Variants in LAMP2 observed in about 807,000 individuals in gnomAD.
The protein encoded by LAMP2 is lysosome associated membrane protein 2, also known as lysosome-associated membrane glycoprotein 2.
Under a neutral mutation model 25.6 loss-of-function variants are expected in LAMP2, and 4 were observed. The ratio of observed to expected loss-of-function variants is 0.16; its 90% confidence interval spans 0.08 to 0.36. LAMP2 has a LOEUF of 0.36. LAMP2 is among the 10% of genes least tolerant of loss of function. LAMP2 has a pLI of 1.00. For missense variants in LAMP2, 272 were observed against 301.4 expected, an observed-to-expected ratio of 0.90 and a Z score of 0.72; for synonymous variants, 108 against 112.7, an observed-to-expected ratio of 0.96 and a Z score of 0.27.
chrX:120,447,625 G>C (rs1258811983), intron 5 of LAMP2, among the ~76,000 whole-genome samples: 1 of 106,653 alleles, frequency 9.4e-6, no homozygotes, highest in African/African-American at 3.4e-5. Flanking sequence ...CAGGAGAATG[G>C]CGTGAACCCG....
In LAMP2 at chrX:120,427,876, T is replaced by A. The variant is rs2058505021; in HGVS notation, c.*3447A>T. Reference sequence around the variant, plus strand: ...AGAACAACAACAACAAAAAAAGAAATCTCCTTGTTAAAATATAGTAGCTAT... The same window carrying A: ...AGAACAACAACAACAAAAAAAGAAAACTCCTTGTTAAAATATAGTAGCTAT... On this transcript the variant is annotated 3_prime_UTR_variant, in exon 9 of 9. Transcript: ENST00000200639. 1 of 111,518 alleles carries A rather than the reference T, an allele frequency of 9.0e-6. No homozygotes were observed. The highest frequency in any genetic ancestry group is 3.7e-4 in the South Asian group (1 of 2,736). The allele number at this position is 111,518 out of a possible 1,213,427, so 9.2% of individuals were successfully genotyped here.
intron 1 of LAMP2, among the ~76,000 whole-genome samples, chrX:120,460,419 G>A (rs926885296): frequency 1.8e-5 from 2 of 111,452 alleles, no homozygotes; most frequent in African/African-American, 6.5e-5. Flanking sequence ...CACTTCCAAA[G>A]CCCTCCTTAT....
At chrX:120,459,202 A>G (rs772447840) in intron 1 of LAMP2, among the ~76,000 whole-genome samples, 4 of 111,683 alleles carry the variant, frequency 3.6e-5, no homozygotes, top group African/African-American at 1.3e-4. Flanking sequence ...ACTTTCTTCT[A>G]TTGGCCTAAA....
intron 1 of LAMP2, among the ~76,000 whole-genome samples, chrX:120,467,823 C>T (rs2147293882): frequency 8.9e-6 from 1 of 112,185 alleles, no homozygotes; most frequent in African/African-American, 3.2e-5. Flanking sequence ...AGTGCAATGG[C>T]GCAATCTTGG....
chrX:120,447,511 G>A lies in LAMP2; in HGVS notation c.741+330C>T, dbSNP rs767946614. On this transcript the variant is annotated intron_variant, in intron 5 of 8. Transcript: ENST00000200639. ...AGCACAAGGTCAGGAGATCGAGACC[G>A]TCCTGGCTAACACGGTAAAACCCTA... is the stretch of plus-strand genomic sequence containing the variant. Among the ~76,000 whole-genome samples the A allele has an allele frequency of 1.5e-4, 17 of 110,385 alleles. 1 individual carries two copies. The highest frequency in any genetic ancestry group is 4.8e-3 in the Middle Eastern group (1 of 210).
At chrX:120,454,227 C>CA (rs34279521) in intron 3 of LAMP2, among the ~76,000 whole-genome samples, 2,344 of 80,618 alleles carry the variant, frequency 0.029, 48 homozygotes, top group African/African-American at 0.05. Context: ...GTTATCAGAT[C>CA]AAAAAAAAAA....
In LAMP2 at chrX:120,428,255, C is replaced by T. The variant is rs878924268; in HGVS notation, c.*3068G>A. ...ATTATTTACTTAAAAAATTCTAAGCCACAATTTTTCTTTTAATTATACTTT... is the reference window on the plus strand; with the variant it reads ...ATTATTTACTTAAAAAATTCTAAGCTACAATTTTTCTTTTAATTATACTTT... On this transcript the variant is annotated 3_prime_UTR_variant, in exon 9 of 9. Transcript: ENST00000200639. The T allele has an allele frequency of 3.7e-5, 11 of 295,384 alleles. No homozygotes were observed. The South Asian group carries it at 2.4e-3, about 64-fold the overall frequency. 24.3% of individuals were successfully genotyped at this position (295,384 alleles called of 1,213,427 possible). A position where few individuals can be genotyped will look rare whatever the true frequency, so the allele number is the denominator to read the frequency against.
intron 6 of LAMP2, among the ~76,000 whole-genome samples, chrX:120,443,243 C>T (rs1161194055): frequency 9.0e-6 from 1 of 111,491 alleles, no homozygotes; most frequent in Non-Finnish European, 1.9e-5. Context: ...AAATCACTTC[C>T]AAATAAGGGA....
intron 1 of LAMP2, 98 bp downstream of exon 1, chrX:120,469,008 C>T: frequency 1.0e-6 from 1 of 986,452 alleles, no homozygotes; most frequent in Non-Finnish European, 1.4e-6. Flanking sequence ...CTGAGCCTCT[C>T]AACCCCCTCC....
chrX:120,450,762 C>T (rs747305259), intron 3 of LAMP2, among the ~76,000 whole-genome samples: 20 of 110,030 alleles, frequency 1.8e-4, no homozygotes, highest in Non-Finnish European at 3.4e-4. Context: ...AAAAGTAACA[C>T]AAACATTAAA....
At position 120,441,914 on chromosome X, in the gene LAMP2, G is replaced by C; in HGVS notation, c.929-20C>G. On this transcript the variant is annotated intron_variant, in intron 7 of 8. Transcript: ENST00000200639. ...TGAAAACTTCAAAGAAAAGAAACAG[G>C]TTAGTAACTTCTTATCCTATCAACA... The C allele has an allele frequency of 8.4e-7, 1 of 1,188,386 alleles. No homozygotes were observed. The highest frequency in any genetic ancestry group is 1.1e-6 in the Non-Finnish European group (1 of 874,545).
At chrX:120,437,783 G>A (rs2058551843) in intron 8 of LAMP2, 2 of 752,623 alleles carry the variant, frequency 2.7e-6, no homozygotes, top group Non-Finnish European at 3.1e-6. Context: ...TGGAAACAAA[G>A]AACAACTTTT....
chrX:120,430,166 A>G lies in LAMP2; in HGVS notation c.*1157T>C. 1.3e-6 allele frequency: 1 copy of G among 749,977 alleles called. No individual in the cohort carries two copies. Among genetic ancestry groups the G allele is most frequent in the Non-Finnish European group, 1.6e-6 (1 of 635,184 alleles). 61.8% of individuals were successfully genotyped at this position (749,977 alleles called of 1,213,427 possible). A position where few individuals can be genotyped will look rare whatever the true frequency, so the allele number is the denominator to read the frequency against. On this transcript the variant is annotated 3_prime_UTR_variant, in exon 9 of 9. Transcript: ENST00000200639. ...TGGGTTAATAATACTTCAATGTGGA[A>G]GTCTTCTAGTCTATTAAGCCTTCCT...
chrX:120,430,475 C>T lies in LAMP2; in HGVS notation c.*848G>A, dbSNP rs1443366669. ...AACAAGATGAGGTAGAGAAACACAA[C>T]ACAATCTGTCCTAATTAGTTCATAG... On this transcript the variant is annotated 3_prime_UTR_variant, in exon 9 of 9. Coordinates refer to ENST00000200639, the MANE Select transcript of LAMP2 (RefSeq NM_002294.3). 8.0e-6 allele frequency: 6 copies of T among 750,421 alleles called. No homozygotes were observed. The African/African-American group carries it at 1.4e-4, about 17-fold the overall frequency. The allele number at this position is 750,421 out of a possible 1,213,427, so 61.8% of individuals were successfully genotyped here. A position where few individuals can be genotyped will look rare whatever the true frequency, so the allele number is the denominator to read the frequency against.
At chrX:120,468,913 C>T (rs1452457310) in intron 1 of LAMP2, among the ~76,000 whole-genome samples, 193 bp downstream of exon 1, 1 of 111,876 alleles carries the variant, frequency 8.9e-6, no homozygotes, top group East Asian at 2.8e-4. Flanking sequence ...CTCCTGGGCC[C>T]TTCTTCCCCG....
In LAMP2 at chrX:120,427,743, C is replaced by T. The variant is rs1057414175; in HGVS notation, c.*3580G>A. 4 of 111,055 alleles carry T rather than the reference C, an allele frequency of 3.6e-5. No homozygotes were observed. Among genetic ancestry groups the T allele is most frequent in the Non-Finnish European group, 7.6e-5 (4 of 52,903 alleles). 9.2% of individuals were successfully genotyped at this position (111,055 alleles called of 1,213,427 possible). A position where few individuals can be genotyped will look rare whatever the true frequency, so the allele number is the denominator to read the frequency against. Reference sequence around the variant, plus strand: ...AAACCATAACCTTAATAAACCATAACCCATACAGGTGTTCCAAATCAACAC... The same window carrying T: ...AAACCATAACCTTAATAAACCATAATCCATACAGGTGTTCCAAATCAACAC... On this transcript the variant is annotated 3_prime_UTR_variant, in exon 9 of 9. Transcript: ENST00000200639.
Position 120,429,080 on chromosome X carries a change from ATATG to A in LAMP2, c.*2239_*2242del. On this transcript the variant is annotated 3_prime_UTR_variant, in exon 9 of 9. Coordinates refer to ENST00000200639, the MANE Select transcript of LAMP2 (RefSeq NM_002294.3). ...AAGAATGTAGTATATATATACATAT[ATATG>A]TGTGTGTATATATATGTGTATATAT... The A allele has an allele frequency of 1.8e-6, 1 of 547,231 alleles. No homozygotes were observed. The highest frequency in any genetic ancestry group is 2.2e-6 in the Non-Finnish European group (1 of 452,725). 45.1% of individuals were successfully genotyped at this position (547,231 alleles called of 1,213,427 possible).
chrX:120,447,714 A>ATTGT (rs1235262651), intron 5 of LAMP2, 127 bp downstream of exon 5: 10 of 606,438 alleles, frequency 1.6e-5, no homozygotes, highest in Non-Finnish European at 2.3e-5. Context: ...CATCTCAAAA[A>ATTGT]AACAAACAAA....
Position 120,439,637 on chromosome X carries a change from TTA to T in LAMP2, c.1093+2091_1093+2092del, listed in dbSNP as rs1341332179. Among the ~76,000 whole-genome samples the T allele has an allele frequency of 7.3e-5, 8 of 109,743 alleles. No homozygotes were observed. The East Asian group carries it at 1.1e-3, about 15-fold the overall frequency. ...TGTGCATATATATAATATATGCACATTATATATGATATATAATGCACACATTA... is the reference window on the plus strand; with the variant it reads ...TGTGCATATATATAATATATGCACATTATATGATATATAATGCACACATTA... On this transcript the variant is annotated intron_variant, in intron 8 of 8. Coordinates refer to ENST00000200639, the MANE Select transcript of LAMP2 (RefSeq NM_002294.3).
Sources: gnomAD v4.1 joint callset for allele counts (sites outside exome capture counted in the v4.1 genomes callset) on GRCh38, gnomAD v4.1.1 for gene constraint, MANE v1.5 for transcripts, NCBI Gene and HGNC (gene_info 2026-07-23, HGNC 2026-07-21) for gene names.